PTPRD: variants seen among roughly 807,000 people sequenced by gnomAD.
PTPRD encodes the protein receptor-type tyrosine-protein phosphatase delta.
Under a neutral mutation model 214.5 loss-of-function variants are expected in PTPRD, and 34 were observed. The observed-to-expected ratio is 0.16, with a 90% CI of 0.12 to 0.21. The LOEUF is 0.21. PTPRD is among the 10% of genes least tolerant of loss of function. The pLI, the probability that PTPRD is intolerant of heterozygous loss-of-function variation, is 1.00. For synonymous variants in PTPRD, 1,128 were observed against 845.7 expected (o/e 1.33, Z -5.79); for missense variants, 2,545 against 2,398.7 (o/e 1.06, Z -1.27).
chr9:8,566,268 T>C (rs1028864663), intron 14 of PTPRD, among the ~76,000 whole-genome samples: 1 of 152,074 alleles, frequency 6.6e-6, no homozygotes, highest in African/African-American at 2.4e-5. Flanking sequence ...GGTGTATTTC[T>C]ACTTCAAGAA....
At chr9:10,483,406 T>G (rs1046627133) in intron 2 of PTPRD, among the ~76,000 whole-genome samples, 1 of 151,002 alleles carries the variant, frequency 6.6e-6, no homozygotes, top group Non-Finnish European at 1.5e-5. Flanking sequence ...CAAAAGCAAA[T>G]GCAAGAAAAA....
intron 12 of PTPRD, among the ~76,000 whole-genome samples, chr9:8,652,013 A>G (rs573441133): frequency 6.6e-6 from 1 of 152,326 alleles, no homozygotes; most frequent in African/African-American, 2.4e-5. Flanking sequence ...AGAGAAACAC[A>G]TTATCTGAGC....
intron 3 of PTPRD, among the ~76,000 whole-genome samples, chr9:10,096,507 T>C (rs1293966450): frequency 6.6e-6 from 1 of 152,014 alleles, no homozygotes; most frequent in Non-Finnish European, 1.5e-5. Flanking sequence ...GAGCATTTTT[T>C]CATGTGTCTT....
At chr9:8,884,028 T>C (rs2098466853) in intron 11 of PTPRD, among the ~76,000 whole-genome samples, 1 of 152,228 alleles carries the variant, frequency 6.6e-6, no homozygotes, top group Admixed American at 6.5e-5. Context: ...TCATTTATTT[T>C]CCATAATTCT....
chr9:10,399,497 A>G (rs2098234004), intron 2 of PTPRD, among the ~76,000 whole-genome samples: 1 of 151,988 alleles, frequency 6.6e-6, no homozygotes, highest in Non-Finnish European at 1.5e-5. Context: ...GCAGTGGTGT[A>G]GATGCTGAAA....
intron 9 of PTPRD, among the ~76,000 whole-genome samples, chr9:9,305,110 T>G (rs1956723103): frequency 6.6e-6 from 1 of 151,464 alleles, no homozygotes; most frequent in African/African-American, 2.4e-5. Flanking sequence ...AACTTGCTTC[T>G]CATCTTTACC....
At chr9:8,839,761 G>GATAAC (rs1377436399) in intron 11 of PTPRD, among the ~76,000 whole-genome samples, 8 of 151,926 alleles carry the variant, frequency 5.3e-5, no homozygotes, top group African/African-American at 1.9e-4. Flanking sequence ...GCTTTGTATT[G>GATAAC]ATAACAGTGG....
intron 9 of PTPRD, among the ~76,000 whole-genome samples, chr9:9,324,615 CA>C (rs1456994029): frequency 6.6e-6 from 1 of 152,134 alleles, no homozygotes; most frequent in African/African-American, 2.4e-5. Flanking sequence ...AGGTAGATTG[CA>C]AAAGTTTTCT....
In PTPRD at chr9:9,840,485, T is replaced by A. The variant is rs150557512; in HGVS notation, c.-367-73634A>T. ...TACGTAAATGTGATTTGCCTAATAA[T>A]GGCATGCCTGAGTTTATTCTTACAT... On this transcript the variant is annotated intron_variant, in intron 5 of 45. Coordinates refer to ENST00000381196, the MANE Select transcript of PTPRD (RefSeq NM_002839.4). 1.7e-4 allele frequency among the ~76,000 whole-genome samples: 26 copies of A among 152,216 alleles called. 1 individual carries two copies. In the East Asian group the frequency reaches 4.6e-3, roughly 27 times the overall value.
In PTPRD at chr9:10,001,056, A is replaced by G. The variant is rs1453022028; in HGVS notation, c.-472+32662T>C. Among the ~76,000 whole-genome samples the G allele has an allele frequency of 3.3e-5, 5 of 152,008 alleles. No homozygotes were observed. The South Asian group carries it at 8.3e-4, about 25-fold the overall frequency. The stretch of plus-strand genomic sequence containing the variant: ...CTCTCTTGGGAACCCCGCTCCCTCT[A>G]TCTCTGTAGCGGGGAGCTTTTTTTT... On this transcript the variant is annotated intron_variant, in intron 4 of 45. Transcript: ENST00000381196.
chr9:9,640,940 G>C (rs142188503), intron 7 of PTPRD, among the ~76,000 whole-genome samples: 1 of 152,224 alleles, frequency 6.6e-6, no homozygotes, highest in Non-Finnish European at 1.5e-5. Flanking sequence ...CAGAGTCAAC[G>C]TAAGATCAAA....
At chr9:8,811,273 C>T (rs1239882288) in intron 11 of PTPRD, among the ~76,000 whole-genome samples, 1 of 152,106 alleles carries the variant, frequency 6.6e-6, no homozygotes, top group African/African-American at 2.4e-5. Flanking sequence ...TACAGTAAAG[C>T]TCAACATTCT....
At chr9:9,071,068 C>T (rs573362027) in intron 10 of PTPRD, among the ~76,000 whole-genome samples, 2 of 152,256 alleles carry the variant, frequency 1.3e-5, no homozygotes, top group South Asian at 4.2e-4. Flanking sequence ...CATGCACCAC[C>T]ATACCCAGCT....
At chr9:10,001,856 T>C (rs1044070571) in intron 4 of PTPRD, among the ~76,000 whole-genome samples, 1 of 151,992 alleles carries the variant, frequency 6.6e-6, no homozygotes, top group Non-Finnish European at 1.5e-5. Flanking sequence ...CATGGAGGAA[T>C]AAAGAGTACA....
chr9:10,148,209 T>G (rs772071733), intron 3 of PTPRD, among the ~76,000 whole-genome samples: 1 of 152,164 alleles, frequency 6.6e-6, no homozygotes, highest in Non-Finnish European at 1.5e-5. Flanking sequence ...TTCTAATTCT[T>G]AGTAGCTTTC....
chr9:9,451,732 T>A (rs1308915850), intron 8 of PTPRD, among the ~76,000 whole-genome samples: 1 of 151,632 alleles, frequency 6.6e-6, no homozygotes, highest in Non-Finnish European at 1.5e-5. Flanking sequence ...TTAGAAAGCA[T>A]TAAATTAATA....
intron 4 of PTPRD, among the ~76,000 whole-genome samples, chr9:10,010,219 T>A (rs2096567701): frequency 6.6e-6 from 1 of 151,926 alleles, no homozygotes; most frequent in African/African-American, 2.4e-5. Context: ...TCCACATGTC[T>A]CCAAACACCA....
At chr9:8,935,680 C>T (rs927990143) in intron 11 of PTPRD, among the ~76,000 whole-genome samples, 3 of 152,116 alleles carry the variant, frequency 2.0e-5, no homozygotes, top group African/African-American at 4.8e-5. Flanking sequence ...CTGGGGAAGG[C>T]CCCCCACAGT....
chr9:10,430,821 A>G (rs1055356839), intron 2 of PTPRD, among the ~76,000 whole-genome samples: 1 of 151,990 alleles, frequency 6.6e-6, no homozygotes, highest in African/African-American at 2.4e-5. Context: ...GTCTTCCATA[A>G]GCCATCATAC....
Sources: gnomAD v4.1 joint callset for allele counts (sites outside exome capture counted in the v4.1 genomes callset) on GRCh38, gnomAD v4.1.1 for gene constraint, MANE v1.5 for transcripts, NCBI Gene and HGNC (gene_info 2026-07-23, HGNC 2026-07-21) for gene names.